ERBB4: variants seen among roughly 807,000 people sequenced by gnomAD.
The protein encoded by ERBB4 is erb-b2 receptor tyrosine kinase 4, also known as receptor tyrosine-protein kinase erbB-4.
A neutral mutation model predicts 158.0 loss-of-function variants in ERBB4; 42 were observed. That is an observed-to-expected ratio of 0.27 (90% CI 0.21 to 0.34). The LOEUF (loss-of-function observed/expected upper bound fraction) is 0.34, where lower values mean the gene tolerates loss of function less well. ERBB4 is among the 10% of genes least tolerant of loss of function. The pLI is 1.00. For missense variants in ERBB4, 1,333 were observed against 1,624.1 expected, an observed-to-expected ratio of 0.82 and a Z score of 3.08; for synonymous variants, 583 against 558.7, an observed-to-expected ratio of 1.04 and a Z score of -0.61.
chr2:211,456,021 CATACAT>C (rs2064372298), intron 20 of ERBB4, among the ~76,000 whole-genome samples: 1 of 152,192 alleles, frequency 6.6e-6, no homozygotes, highest in Non-Finnish European at 1.5e-5. Context: ...CACATACTGA[CATACAT>C]ATACAGGGTT....
At chr2:211,726,221 TAGCATTC>T in intron 5 of ERBB4, among the ~76,000 whole-genome samples, 1 of 152,304 alleles carries the variant, frequency 6.6e-6, no homozygotes, top group South Asian at 2.1e-4. Context: ...TCATAAACAT[TAGCATTC>T]CCCAGACCTG....
At chr2:211,728,972 A>T (rs1431298451) in intron 5 of ERBB4, among the ~76,000 whole-genome samples, 1 of 151,776 alleles carries the variant, frequency 6.6e-6, no homozygotes, top group Non-Finnish European at 1.5e-5. Context: ...CATTTCTCTC[A>T]TTGAGTACAC....
intron 3 of ERBB4, among the ~76,000 whole-genome samples, chr2:211,850,644 T>C (rs1437514503): frequency 6.6e-6 from 1 of 151,786 alleles, no homozygotes; most frequent in Admixed American, 6.6e-5. Context: ...CTGGGGGAGC[T>C]GTCATGTATG....
chr2:211,802,926 G>T (rs1353738406), intron 3 of ERBB4, among the ~76,000 whole-genome samples: 2 of 152,180 alleles, frequency 1.3e-5, no homozygotes, highest in African/African-American at 4.8e-5. Context: ...AAAACTCATT[G>T]AATTTAATGG....
chr2:212,135,902 A>T (rs2080256591), intron 1 of ERBB4, among the ~76,000 whole-genome samples: 1 of 152,216 alleles, frequency 6.6e-6, no homozygotes, highest in Non-Finnish European at 1.5e-5. Context: ...GCTCTCCTTG[A>T]GGTCTTGCTG....
intron 20 of ERBB4, among the ~76,000 whole-genome samples, chr2:211,446,711 T>C (rs17803759): frequency 0.018 from 2,684 of 152,152 alleles, 43 homozygotes; most frequent in Middle Eastern, 0.048. Context: ...TCTAAAAGTA[T>C]CAGATAACTT....
chr2:211,970,438 T>C (rs2081419602), intron 2 of ERBB4, among the ~76,000 whole-genome samples: 1 of 152,164 alleles, frequency 6.6e-6, no homozygotes, highest in South Asian at 2.1e-4. Context: ...CTGAATATCT[T>C]AATTTTCTGT....
chr2:211,557,311 C>G (rs745985425), intron 20 of ERBB4, among the ~76,000 whole-genome samples: 2 of 152,064 alleles, frequency 1.3e-5, no homozygotes, highest in African/African-American at 2.4e-5. Flanking sequence ...AAGAAACTAT[C>G]CACAGAGTGA....
chr2:212,497,844 T>G (rs149080506), intron 1 of ERBB4, among the ~76,000 whole-genome samples: 357 of 152,328 alleles, frequency 2.3e-3, no homozygotes, highest in African/African-American at 7.6e-3. Flanking sequence ...CTGCTTTTCC[T>G]GCATAAAGAG....
chr2:211,889,606 C>G (rs1443821241), intron 3 of ERBB4, among the ~76,000 whole-genome samples: 1 of 150,366 alleles, frequency 6.7e-6, no homozygotes, highest in African/African-American at 2.5e-5. Flanking sequence ...TCAAATTACT[C>G]CGAGCTACGG....
chr2:211,973,096 C>CA (rs1355606759), intron 2 of ERBB4, among the ~76,000 whole-genome samples: 2 of 150,308 alleles, frequency 1.3e-5, no homozygotes, highest in East Asian at 1.9e-4. Context: ...AACGACCCCA[C>CA]AAAAAAAAGT....
intron 3 of ERBB4, among the ~76,000 whole-genome samples, chr2:211,911,853 G>A (rs1439050072): frequency 1.3e-5 from 2 of 148,690 alleles, no homozygotes; most frequent in African/African-American, 2.5e-5. Flanking sequence ...GTTGCACAAT[G>A]TGGTAAATAT....
At chr2:211,384,169 G>C (rs1265963595) in intron 27 of ERBB4, 109 bp from the exon 28 acceptor site, 4 of 784,912 alleles carry the variant, frequency 5.1e-6, no homozygotes, top group South Asian at 4.9e-5. Context: ...AAAACCCACA[G>C]ATTTGTTTTC....
intron 17 of ERBB4, among the ~76,000 whole-genome samples, 163 bp downstream of exon 17, chr2:211,630,299 T>G (rs999150557): frequency 6.6e-6 from 1 of 152,194 alleles, no homozygotes; most frequent in Non-Finnish European, 1.5e-5. Context: ...TTTTACAACA[T>G]AATCTGATTT....
chr2:212,000,731 A>G (rs552240556), intron 2 of ERBB4, among the ~76,000 whole-genome samples: 11 of 151,884 alleles, frequency 7.2e-5, no homozygotes, highest in Non-Finnish European at 1.6e-4. Context: ...GTCAGAAAAA[A>G]TGTCTACCAA....
intron 1 of ERBB4, among the ~76,000 whole-genome samples, chr2:212,190,713 C>G (rs1053376641): frequency 2.0e-5 from 3 of 152,056 alleles, no homozygotes; most frequent in Non-Finnish European, 2.9e-5. Flanking sequence ...AGAAGAAACC[C>G]TGTTAATCTA....
rs1553627741 is a variant in ERBB4 at position 212,373,950 on chromosome 2, T to TATCCATATATATCCATATATATC, written c.82+164498_82+164499insGATATATATGGATATATATGGAT. Among the ~76,000 whole-genome samples the TATCCATATATATCCATATATATC allele has an allele frequency of 1.9e-4, 12 of 64,568 alleles. 1 individual carries two copies. Among genetic ancestry groups the TATCCATATATATCCATATATATC allele is most frequent in the African/African-American group, 7.6e-4 (11 of 14,398 alleles). 42.4% of individuals were successfully genotyped at this position (64,568 alleles called of 152,430 possible). ...ATATCCATATATATCCATATATATATCATATATATATCCATATATATCCAT... is the reference window on the plus strand; with the variant it reads ...ATATCCATATATATCCATATATATATATCCATATATATCCATATATATCCATATATATATCCATATATATCCAT... On this transcript the variant is annotated intron_variant, in intron 1 of 27. Coordinates refer to ENST00000342788, the MANE Select transcript of ERBB4 (RefSeq NM_005235.3).
intron 1 of ERBB4, among the ~76,000 whole-genome samples, chr2:212,168,206 TC>T (rs2081408568): frequency 1.3e-5 from 2 of 152,272 alleles, no homozygotes; most frequent in South Asian, 4.1e-4. Flanking sequence ...ATGAAATCTT[TC>T]CTTTTTGCAT....
At chr2:212,455,864 A>C (rs1688265048) in intron 1 of ERBB4, among the ~76,000 whole-genome samples, 2 of 152,150 alleles carry the variant, frequency 1.3e-5, no homozygotes, top group African/African-American at 4.8e-5. Context: ...TGTTTAAAAA[A>C]TATTTATTGA....
Sources: gnomAD v4.1 joint callset for allele counts (sites outside exome capture counted in the v4.1 genomes callset) on GRCh38, gnomAD v4.1.1 for gene constraint, MANE v1.5 for transcripts, NCBI Gene and HGNC (gene_info 2026-07-23, HGNC 2026-07-21) for gene names.